Variants in ADARB2 observed in about 807,000 individuals in gnomAD.
ADARB2 encodes inactive double-stranded RNA-specific editase B2.
In ADARB2, 25 loss-of-function variants were observed where a neutral mutation model predicts 62.2. The ratio of observed to expected loss-of-function variants is 0.40; its 90% CI spans 0.29 to 0.56. The LOEUF (loss-of-function observed/expected upper bound fraction) is 0.56, where lower values mean the gene tolerates loss of function less well. ADARB2 is among the 20% of genes least tolerant of loss of function. The pLI, the probability that ADARB2 is intolerant of heterozygous loss-of-function variation, is 0.43. For missense variants in ADARB2, 1,071 were observed against 1,077.4 expected (o/e 0.99, Z 0.08); for synonymous variants, 572 against 500.8 (o/e 1.14, Z -1.90).
intron 1 of ADARB2, among the ~76,000 whole-genome samples, chr10:1,722,755 T>C (rs1362265237): frequency 1.3e-5 from 2 of 152,234 alleles, no homozygotes; most frequent in African/African-American, 4.8e-5. Flanking sequence ...TATTTTGGAA[T>C]TCAATGTACT....
chr10:1,654,220 G>A (rs1460483891), intron 1 of ADARB2, among the ~76,000 whole-genome samples: 1 of 152,160 alleles, frequency 6.6e-6, no homozygotes, highest in African/African-American at 2.4e-5. Flanking sequence ...AACCTGAGGT[G>A]ATCATGTAGT....
At position 1,444,862 on chromosome 10, in the gene ADARB2, TAC is replaced by T. The variant is rs1299951268; in HGVS notation, c.101-65704_101-65703del. Among the ~76,000 whole-genome samples the T allele has an allele frequency of 6.2e-5, 8 of 129,438 alleles. No homozygotes were observed. The East Asian group carries it at 2.2e-3, about 35-fold the overall frequency. The allele number at this position is 129,438 out of a possible 152,430, so 84.9% of individuals were successfully genotyped here. A position where few individuals can be genotyped will look rare whatever the true frequency, so the allele number is the denominator to read the frequency against. On this transcript the variant is annotated intron_variant, in intron 1 of 9. Coordinates refer to ENST00000381312, the MANE Select transcript of ADARB2 (RefSeq NM_018702.4). ...CCCATCCATCCATTCACCATCCATC[TAC>T]ATCCATCCATCTATCCATCCACCCA... is the stretch of plus-strand genomic sequence containing the variant.
intron 1 of ADARB2, among the ~76,000 whole-genome samples, chr10:1,400,167 C>T (rs557933664): frequency 9.2e-5 from 14 of 152,348 alleles, no homozygotes; most frequent in Admixed American, 6.5e-4. Context: ...CTGCCTGCCA[C>T]GTGGAGCCAG....
chr10:1,636,801 T>TATAACA (rs1833922415), intron 1 of ADARB2, among the ~76,000 whole-genome samples: 1 of 148,540 alleles, frequency 6.7e-6, no homozygotes, highest in African/African-American at 2.4e-5. Context: ...ATATGACATA[T>TATAACA]ATAATATTGT....
chr10:1,233,387 GCCTTC>G (rs1481363551), intron 6 of ADARB2, among the ~76,000 whole-genome samples: 5 of 152,170 alleles, frequency 3.3e-5, no homozygotes, highest in Non-Finnish European at 7.3e-5. Context: ...ACTCTCACTG[GCCTTC>G]CCTTCATTCC....
chr10:1,381,782 A>G (rs888794502), intron 1 of ADARB2, among the ~76,000 whole-genome samples: 4 of 152,212 alleles, frequency 2.6e-5, no homozygotes, highest in African/African-American at 9.6e-5. Flanking sequence ...CGTGGAATCT[A>G]AAAAAGTTGA....
At chr10:1,544,449 C>T (rs12411802) in intron 1 of ADARB2, among the ~76,000 whole-genome samples, 30,362 of 152,170 alleles carry the variant, frequency 0.2, 3,331 homozygotes, top group Non-Finnish European at 0.25. Flanking sequence ...GCTTTTCACA[C>T]GGGACGTGGA....
intron 1 of ADARB2, among the ~76,000 whole-genome samples, chr10:1,576,702 T>C (rs765524426): frequency 7.2e-5 from 11 of 152,148 alleles, no homozygotes; most frequent in Non-Finnish European, 1.2e-4. Flanking sequence ...CAGTTGGAGA[T>C]GGAGCAGCTG....
At chr10:1,213,067 T>TGAGG (rs1436561301) in intron 7 of ADARB2, among the ~76,000 whole-genome samples, 1 of 151,806 alleles carries the variant, frequency 6.6e-6, no homozygotes, top group African/African-American at 2.4e-5. Context: ...AGCTCATCAA[T>TGAGG]GAGGGAGGGT....
intron 1 of ADARB2, among the ~76,000 whole-genome samples, chr10:1,464,918 G>C (rs926760996): frequency 6.6e-6 from 1 of 152,222 alleles, no homozygotes; most frequent in Non-Finnish European, 1.5e-5. Context: ...GGGTGAGGAC[G>C]CTCACACCCC....
intron 6 of ADARB2, among the ~76,000 whole-genome samples, chr10:1,224,650 A>G (rs2131761792): frequency 6.6e-6 from 1 of 152,314 alleles, no homozygotes; most frequent in Middle Eastern, 3.4e-3. Context: ...GGTTTCAAAG[A>G]ACATCTTTAT....
chr10:1,380,041 T>C (rs916537408), intron 1 of ADARB2, among the ~76,000 whole-genome samples: 1 of 152,198 alleles, frequency 6.6e-6, no homozygotes, highest in Non-Finnish European at 1.5e-5. Context: ...TTTGGAGATT[T>C]CCACCACCTA....
intron 1 of ADARB2, among the ~76,000 whole-genome samples, chr10:1,575,121 A>T (rs1485382567): frequency 5.0e-5 from 2 of 39,878 alleles, no homozygotes; most frequent in Non-Finnish European, 1.2e-4. Flanking sequence ...AAGATTATTG[A>T]TGGACCAGAA....
intron 1 of ADARB2, among the ~76,000 whole-genome samples, chr10:1,540,498 G>T (rs1295365826): frequency 0.076 from 8,204 of 108,148 alleles, 1,446 homozygotes; most frequent in Non-Finnish European, 0.1. Flanking sequence ...TTCAGACCCT[G>T]GATCACAGCC....
chr10:1,585,295 C>A (rs1265422126), intron 1 of ADARB2, among the ~76,000 whole-genome samples: 1 of 152,032 alleles, frequency 6.6e-6, no homozygotes, highest in Non-Finnish European at 1.5e-5. Context: ...CTCAGGATCC[C>A]CAAATCGCTA....
chr10:1,327,362 CCAGCGCCTCCCCACGGCA>C (rs1831874530), intron 3 of ADARB2, among the ~76,000 whole-genome samples: 1 of 25,514 alleles, frequency 3.9e-5, no homozygotes, highest in Non-Finnish European at 7.2e-5. Flanking sequence ...TCCTCACGGC[CCAGCGCCTCCCCACGGCA>C]CAGCGCCTCC....
At chr10:1,519,434 G>T (rs940224420) in intron 1 of ADARB2, among the ~76,000 whole-genome samples, 1 of 152,190 alleles carries the variant, frequency 6.6e-6, no homozygotes, top group Admixed American at 6.5e-5. Context: ...TGTTGGTATT[G>T]TCATATGAAT....
chr10:1,684,666 T>A (rs527861688), intron 1 of ADARB2, among the ~76,000 whole-genome samples: 1 of 152,228 alleles, frequency 6.6e-6, no homozygotes, highest in Non-Finnish European at 1.5e-5. Context: ...TTTTGATTAT[T>A]TTGTAAACCC....
At chr10:1,186,164 G>A (rs899925180) in intron 8 of ADARB2, among the ~76,000 whole-genome samples, 2 of 152,240 alleles carry the variant, frequency 1.3e-5, no homozygotes, top group African/African-American at 4.8e-5. Flanking sequence ...CCTCGGGGTG[G>A]GGAAGGCATC....
Sources: allele counts gnomAD v4.1 joint callset (sites outside exome capture counted in the v4.1 genomes callset), GRCh38; gene constraint gnomAD v4.1.1; transcripts MANE v1.5; gene names NCBI Gene and HGNC (gene_info 2026-07-23, HGNC 2026-07-21).